TNXB: variants seen among roughly 807,000 people sequenced by gnomAD.
TNXB encodes the protein tenascin-X.
A neutral mutation model predicts 340.5 loss-of-function variants in TNXB; 183 were observed. That is an observed-to-expected ratio of 0.54 (90% CI 0.48 to 0.61). The LOEUF (loss-of-function observed/expected upper bound fraction) is 0.61, where lower values mean the gene tolerates loss of function less well. TNXB is among the 20% of genes least tolerant of loss of function. The probability of loss-of-function intolerance (pLI) is 0.00; values close to 1 mark genes in which losing one functional copy is unlikely to be tolerated. For synonymous variants in TNXB, 2,121 were observed against 2,314.5 expected (o/e 0.92, Z 2.40); for missense variants, 4,613 against 5,446.4 (o/e 0.85, Z 4.82).
intron 24 of TNXB, among the ~76,000 whole-genome samples, chr6:32,054,185 C>A (rs192377149): frequency 2.6e-4 from 39 of 152,128 alleles, no homozygotes; most frequent in Admixed American, 7.2e-4. Context: ...CTTCCTCCCC[C>A]ACCTCCAGTC....
rs542934954 is a variant in TNXB at position 32,084,964 on chromosome 6, G to T, written c.3149-255C>A. Among the ~76,000 whole-genome samples the T allele has an allele frequency of 2.0e-5, 3 of 152,222 alleles. No individual in the cohort carries two copies. Among genetic ancestry groups the T allele is most frequent in the African/African-American group, 7.2e-5 (3 of 41,512 alleles). On this transcript the variant is annotated intron_variant, in intron 7 of 43. Transcript: ENST00000644971. The surrounding 1 kb of genome is among the most constrained non-coding windows in gnomAD (Gnocchi z 5.5). ...TCTGCACACCAGGATCTTTGCGGGGGTTTCAGGTCCCCCTGGTTCTGAATG... is the reference window on the plus strand; with the variant it reads ...TCTGCACACCAGGATCTTTGCGGGGTTTTCAGGTCCCCCTGGTTCTGAATG...
rs1554335655 is a variant in TNXB, at chr6:32,099,946, T to TTA, written c.-8-1741_-8-1740insTA. ...GCTGGGTCAATCCAACATCCCTAAGTAAAAAAAAAAAAAAAAAAAAAAAAC... is the reference window on the plus strand; with the variant it reads ...GCTGGGTCAATCCAACATCCCTAAGTTAAAAAAAAAAAAAAAAAAAAAAAAAC... On this transcript the variant is annotated intron_variant, in intron 1 of 43. Transcript: ENST00000644971. Among the ~76,000 whole-genome samples the TTA allele has an allele frequency of 1.6e-3, 101 of 62,832 alleles. 3 individuals are homozygous for TTA. The East Asian group carries it at 0.05, about 31-fold the overall frequency. 41.2% of individuals were successfully genotyped at this position (62,832 alleles called of 152,430 possible). A position where few individuals can be genotyped will look rare whatever the true frequency, so the allele number is the denominator to read the frequency against.
In TNXB at chr6:32,043,041, G is replaced by T; in HGVS notation, c.11835C>A (p.Thr3945=). The change falls in exon 38 of 44, where the codon ACC becomes ACA. Residue 3945 remains threonine (T), a synonymous_variant. Coordinates refer to ENST00000644971, the MANE Select transcript of TNXB (RefSeq NM_001365276.2). ...APRDLEAKEV[T]PRTALLTWTE... ...TCCAAGTGAGCAGGGCGGTGCGGGG[G>T]GTCACTTCCTTGGCCTCCAAGTCCC... 1 of 223,956 alleles carries T rather than the reference G, an allele frequency of 4.5e-6. No individual in the cohort carries two copies. The highest frequency in any genetic ancestry group is 7.8e-6 in the Non-Finnish European group (1 of 128,690). 13.9% of individuals were successfully genotyped at this position (223,956 alleles called of 1,614,324 possible). A position where few individuals can be genotyped will look rare whatever the true frequency, so the allele number is the denominator to read the frequency against.
At chr6:32,077,221 A>C (rs1170487265) in intron 11 of TNXB, among the ~76,000 whole-genome samples, 1 of 152,234 alleles carries the variant, frequency 6.6e-6, no homozygotes, top group East Asian at 1.9e-4. Flanking sequence ...ACTTGGCAGC[A>C]TGTCTGGGCC....
intron 1 of TNXB, among the ~76,000 whole-genome samples, chr6:32,101,496 A>G (rs1032170004): frequency 1.3e-5 from 2 of 151,594 alleles, no homozygotes; most frequent in Non-Finnish European, 2.9e-5. Context: ...TCACCGTGTT[A>G]GCCAGGATGG....
rs1780299300 is a variant in TNXB, at chr6:32,095,795, G to A, written c.2058C>T (p.Ser686=). 7 of 1,613,110 alleles carry A rather than the reference G, an allele frequency of 4.3e-6. No homozygotes were observed. Among genetic ancestry groups the A allele is most frequent in the Non-Finnish European group, 5.9e-6 (7 of 1,179,580 alleles). ...EDCGQEEPPA[S]ACPGGCGPRE... ...GGGGCCCGCAGCCTCCAGGGCAGGC[G>A]CTGGCTGGAGGCTCTTCCTGCCCGC... Residue 686 remains serine, a synonymous_variant, in exon 3 of 44, where the codon AGC becomes AGT. Transcript: ENST00000644971.
Position 32,068,659 on chromosome 6 carries a change from G to T in TNXB, c.5951C>A (p.Pro1984His), listed in dbSNP as rs748738261. The change falls in exon 17 of 44, where the codon CCC (proline) becomes CAC (histidine). Residue 1984 changes from proline (P) to histidine (H), a missense_variant. Pro to His is a moderately conservative substitution (Grantham distance 77). Transcript: ENST00000644971. This position sits in a 1 kb window ranked among gnomAD's most constrained non-coding sequence, Gnocchi z 5.3. ...PSEPPTATPEPPIKPRLGELT... is the reference protein window; with the variant it reads ...PSEPPTATPEHPIKPRLGELT... Reference sequence around the variant, plus strand: ...CTCCCCCAGGCGAGGCTTGATGGGGGGCTCGGGGGTTGCGGTGGGAGGTTC... The same window carrying T: ...CTCCCCCAGGCGAGGCTTGATGGGGTGCTCGGGGGTTGCGGTGGGAGGTTC... The T allele has an allele frequency of 5.6e-6, 9 of 1,613,942 alleles. No individual in the cohort carries two copies. The highest frequency in any genetic ancestry group is 7.6e-6 in the Non-Finnish European group (9 of 1,179,884).
chr6:32,069,489 C>T lies in TNXB; in HGVS notation c.5587+64G>A. ...AATGGGAAGCTCAGAGATCTTATGGCTCAGTCAGACCAGGAGAGCCAGGCG... is the reference window on the plus strand; with the variant it reads ...AATGGGAAGCTCAGAGATCTTATGGTTCAGTCAGACCAGGAGAGCCAGGCG... On this transcript the variant is annotated intron_variant, in intron 15 of 43. Coordinates refer to ENST00000644971, the MANE Select transcript of TNXB (RefSeq NM_001365276.2). This position sits in a 1 kb window ranked among gnomAD's most constrained non-coding sequence, Gnocchi z 6.2. The T allele has an allele frequency of 1.3e-6, 2 of 1,484,712 alleles. No homozygotes were observed. Among genetic ancestry groups the T allele is most frequent in the Non-Finnish European group, 1.8e-6 (2 of 1,112,716 alleles). 92.0% of individuals were successfully genotyped at this position (1,484,712 alleles called of 1,614,324 possible).
In TNXB at chr6:32,050,174, T is replaced by G; in HGVS notation, c.9263A>C (p.Asp3088Ala). ...ATTCCTGTACTGGACCAGGAAGTGG[T>G]CAAACTGGCCCTCGGGAACCATCCA... ...LSWMVPEGQF[D>A]HFLVQYRNGD... The change falls in exon 27 of 44, where the codon GAC becomes GCC. Residue 3088 changes from aspartate (D) to alanine (A), a missense_variant. Around this residue, in one of 7 missense-constraint regions of TNXB, gnomAD observed 4,327 missense variants for 4,859.4 expected, o/e 0.89. Coordinates refer to ENST00000644971, the MANE Select transcript of TNXB (RefSeq NM_001365276.2). 1 of 1,613,766 alleles carries G rather than the reference T, an allele frequency of 6.2e-7. No individual in the cohort carries two copies. Among genetic ancestry groups the G allele is most frequent in the Non-Finnish European group, 8.5e-7 (1 of 1,179,856 alleles).
chr6:32,092,690 CAAA>C (rs33977838), intron 4 of TNXB, among the ~76,000 whole-genome samples: 30 of 136,048 alleles, frequency 2.2e-4, no homozygotes, highest in Non-Finnish European at 2.0e-4. Context: ...AACTCTGTCT[CAAA>C]AAAAAAAAAA....
At chr6:32,076,034 T>A (rs1779064960) in intron 11 of TNXB, among the ~76,000 whole-genome samples, 1 of 152,108 alleles carries the variant, frequency 6.6e-6, no homozygotes, top group Non-Finnish European at 1.5e-5. Flanking sequence ...GGGAGCAGAG[T>A]GACCACCAAG....
intron 28 of TNXB, among the ~76,000 whole-genome samples, 167 bp from the exon 29 acceptor site, chr6:32,048,817 T>C (rs1777071224): frequency 6.6e-6 from 1 of 152,242 alleles, no homozygotes; most frequent in Non-Finnish European, 1.5e-5. Flanking sequence ...AGTGGTGCAT[T>C]TAACCCTCGC....
Position 32,055,843 on chromosome 6 carries a change from A to T in TNXB, c.8467+8T>A. On this transcript the variant is annotated splice_region_variant and intron_variant, in intron 24 of 43. Transcript: ENST00000644971. ...CTAGGGCCATCTTCCTCACTCACAA[A>T]CACTCACCTGTCACACCCACGGTGG... is the stretch of plus-strand genomic sequence containing the variant. The T allele has an allele frequency of 1.2e-6, 2 of 1,606,206 alleles. No homozygotes were observed. Among genetic ancestry groups the T allele is most frequent in the Non-Finnish European group, 1.7e-6 (2 of 1,174,378 alleles).
Position 32,096,786 on chromosome 6 carries a change from C to T in TNXB, c.1067G>A (p.Arg356His). 2 of 1,574,184 alleles carry T rather than the reference C, an allele frequency of 1.3e-6. No individual in the cohort carries two copies. Among genetic ancestry groups the T allele is most frequent in the Non-Finnish European group, 1.7e-6 (2 of 1,161,632 alleles). ...TGTGTACCCGGGCCAGCACACGCAGCGGCCGTCCACGCAGCGCCCGCCCTC... is the reference window on the plus strand; with the variant it reads ...TGTGTACCCGGGCCAGCACACGCAGTGGCCGTCCACGCAGCGCCCGCCCTC... ...CGEGGRCVDG[R>H]CVCWPGYTGE... The change falls in exon 3 of 44, where the codon CGC (arginine) becomes CAC (histidine). Residue 356 changes from arginine (R) to histidine (H), a missense_variant. By Grantham distance (29) the Arg-to-His change is conservative (BLOSUM62 0). Around this residue, in one of 7 missense-constraint regions of TNXB, gnomAD observed 4,327 missense variants for 4,859.4 expected, o/e 0.89. Transcript: ENST00000644971.
chr6:32,046,187 G>T lies in TNXB; in HGVS notation c.10594C>A (p.Leu3532Met). The T allele has an allele frequency of 6.3e-7, 1 of 1,584,324 alleles. No homozygotes were observed. The highest frequency in any genetic ancestry group is 8.6e-7 in the Non-Finnish European group (1 of 1,160,436). Residue 3532 changes from leucine to methionine, a missense_variant, in exon 31 of 44, where the codon CTG becomes ATG. Leu to Met is a conservative substitution (Grantham distance 15). This residue lies in a region of TNXB where 4,327 missense variants were observed against 4,859.4 expected (regional missense o/e 0.89). Coordinates refer to ENST00000644971, the MANE Select transcript of TNXB (RefSeq NM_001365276.2). The surrounding 1 kb of genome is among the most constrained non-coding windows in gnomAD (Gnocchi z 6.9). ...ACAGCAGCCTCACCTGTCATTCCCA[G>T]GGCAGAGACCGGGCCCAGGCGCTTT... ...GGKRLGPVSA[L>M]GMTAPEEDTP...
At chr6:32,048,169 C>G (rs542027529) in intron 29 of TNXB, among the ~76,000 whole-genome samples, 157 bp from the exon 30 acceptor site, 4 of 152,260 alleles carry the variant, frequency 2.6e-5, no homozygotes, top group Non-Finnish European at 5.9e-5. Flanking sequence ...AAGCAAGTGT[C>G]CCCTGGGGTG....
Position 32,053,653 on chromosome 6 carries a change from G to A in TNXB, c.8526C>T (p.Pro2842=), listed in dbSNP as rs370624838. The A allele has an allele frequency of 1.2e-6, 2 of 1,613,186 alleles. No individual in the cohort carries two copies. Among genetic ancestry groups the A allele is most frequent in the East Asian group, 2.2e-5 (1 of 44,888 alleles). ...TCAGCTCCCCGAGGCGAGGCTTGTT[G>A]GGGGGCTCAGGGGTTGTGGTGGGCA... The part of the protein sequence containing the change: ...QAVPTTTPEP[P]NKPRLGELTV... Residue 2842 remains proline, a synonymous_variant, in exon 25 of 44, where the codon CCC becomes CCT. Coordinates refer to ENST00000644971, the MANE Select transcript of TNXB (RefSeq NM_001365276.2).
Position 32,046,757 on chromosome 6 carries a change from A to G in TNXB, c.10325-301T>C. On this transcript the variant is annotated intron_variant, in intron 30 of 43. Transcript: ENST00000644971. The surrounding 1 kb of genome is among the most constrained non-coding windows in gnomAD (Gnocchi z 6.9). ...CCGAGGGATGGGTGGCTGGGGGTGCAGAGAGGGCCTTTGTTTACCCTGACC... is the reference window on the plus strand; with the variant it reads ...CCGAGGGATGGGTGGCTGGGGGTGCGGAGAGGGCCTTTGTTTACCCTGACC... The G allele has an allele frequency of 3.0e-6, 1 of 332,072 alleles. No individual in the cohort carries two copies. The allele number at this position is 332,072 out of a possible 1,614,324, so 20.6% of individuals were successfully genotyped here.
In TNXB at chr6:32,070,145, T is replaced by C. The variant is rs1778674549; in HGVS notation, c.5260A>G (p.Thr1754Ala). 6.3e-7 allele frequency: 1 copy of C among 1,583,086 alleles called. No individual in the cohort carries two copies. The highest frequency in any genetic ancestry group is 1.7e-5 in the Admixed American group (1 of 58,252). The stretch of plus-strand genomic sequence containing the variant: ...CCCTCACCCGTGGTGCCGTCGGCAG[T>C]GAGAGGGCCATGGCGCTTCTTGCCC... ...LLGKKRHGPL[T>A]ADGTTEARSA... The change falls in exon 14 of 44, where the codon ACT (threonine) becomes GCT (alanine). Residue 1754 changes from threonine to alanine, a missense_variant. Thr to Ala is a moderately conservative substitution (Grantham distance 58). Transcript: ENST00000644971. The surrounding 1 kb of genome is among the most constrained non-coding windows in gnomAD (Gnocchi z 6.0).
Sources: gnomAD v4.1 joint callset for allele counts (sites outside exome capture counted in the v4.1 genomes callset) on GRCh38, gnomAD v4.1.1 for gene constraint, gnomAD v4.1.1 regional missense constraint, Gnocchi (gnomAD v3.1) non-coding constraint, MANE v1.5 for transcripts, NCBI Gene and HGNC (gene_info 2026-07-23, HGNC 2026-07-21) for gene names.